CPNE4: variants seen among roughly 807,000 people sequenced by gnomAD.
CPNE4 encodes copine 4.
CPNE4 carries 25 observed loss-of-function variants against 67.9 expected under a neutral mutation model. The observed-to-expected ratio is 0.37, with a 90% CI of 0.27 to 0.51. CPNE4 has a LOEUF of 0.51. Ranked by LOEUF, CPNE4 falls within the 20% of genes least tolerant of loss-of-function variation. CPNE4 has a pLI of 0.93. For missense variants in CPNE4, 464 were observed against 690.8 expected (o/e 0.67, Z 3.68); for synonymous variants, 242 against 244.9 (o/e 0.99, Z 0.11).
intron 2 of CPNE4, among the ~76,000 whole-genome samples, chr3:131,824,721 T>G (rs1166445802): frequency 6.6e-6 from 1 of 152,162 alleles, no homozygotes; most frequent in African/African-American, 2.4e-5. Flanking sequence ...TTGTTTTGTA[T>G]GAATCTGAAC....
chr3:131,721,585 C>T (rs1270834830), intron 3 of CPNE4, among the ~76,000 whole-genome samples: 3 of 151,924 alleles, frequency 2.0e-5, no homozygotes, highest in Non-Finnish European at 4.4e-5. Flanking sequence ...TTAGTAGAGA[C>T]GGGGTTTCAC....
chr3:132,035,066 G>T, upstream of CPNE4: 1 of 985,430 alleles, frequency 1.0e-6, no homozygotes, highest in Non-Finnish European at 1.2e-6. Flanking sequence ...AAACCTCCGC[G>T]CGAGCGCCCC....
intron 2 of CPNE4, among the ~76,000 whole-genome samples, chr3:131,782,761 C>T (rs1365953844): frequency 1.3e-5 from 2 of 152,148 alleles, no homozygotes; most frequent in East Asian, 3.9e-4. Flanking sequence ...TGATTTTATG[C>T]AATGCTAAAC....
intron 2 of CPNE4, among the ~76,000 whole-genome samples, chr3:131,791,019 C>T (rs2083705122): frequency 6.6e-6 from 1 of 152,040 alleles, no homozygotes; most frequent in African/African-American, 2.4e-5. Context: ...ATTTTAAGTA[C>T]AACATTGATC....
intron 3 of CPNE4, among the ~76,000 whole-genome samples, chr3:131,718,927 G>A (rs1156488472): frequency 6.6e-6 from 1 of 152,200 alleles, no homozygotes; most frequent in Admixed American, 6.5e-5. Flanking sequence ...TGTTAAAGGA[G>A]TCATCATGTC....
At chr3:131,954,797 C>T (rs185398805) in intron 1 of CPNE4, among the ~76,000 whole-genome samples, 11 of 152,198 alleles carry the variant, frequency 7.2e-5, no homozygotes, top group African/African-American at 2.6e-4. Context: ...TTTCCAGCTT[C>T]GTCCATGTCC....
chr3:131,609,368 T>A (rs922057941), intron 7 of CPNE4, among the ~76,000 whole-genome samples: 7 of 152,190 alleles, frequency 4.6e-5, no homozygotes, highest in African/African-American at 1.7e-4. Flanking sequence ...GCCATTTGAC[T>A]AGACACCGTC....
chr3:131,989,147 A>G (rs2073120859), intron 1 of CPNE4, among the ~76,000 whole-genome samples: 1 of 152,252 alleles, frequency 6.6e-6, no homozygotes, highest in South Asian at 2.1e-4. Flanking sequence ...CAGGTGCCAC[A>G]CAAAGGGTGG....
intron 1 of CPNE4, among the ~76,000 whole-genome samples, chr3:132,028,006 C>A (rs902877273): frequency 3.3e-5 from 5 of 152,116 alleles, no homozygotes; most frequent in African/African-American, 1.2e-4. Context: ...CATTTCCTTC[C>A]AAATCATTTT....
At chr3:131,785,671 TTCTCTC>T (rs10584037) in intron 2 of CPNE4, among the ~76,000 whole-genome samples, 84,083 of 142,560 alleles carry the variant, frequency 0.59, 24,426 homozygotes, top group Non-Finnish European at 0.65. Flanking sequence ...CTTTCTCTCT[TTCTCTC>T]TCTCTCTCTC....
At chr3:131,998,235 T>C (rs1174744316) in intron 1 of CPNE4, among the ~76,000 whole-genome samples, 2 of 152,116 alleles carry the variant, frequency 1.3e-5, no homozygotes, top group Admixed American at 1.3e-4. Context: ...GCTGCAGGCA[T>C]CCTGGATAAC....
intron 1 of CPNE4, among the ~76,000 whole-genome samples, chr3:131,992,063 A>G (rs1258269491): frequency 3.7e-5 from 5 of 136,444 alleles, no homozygotes; most frequent in African/African-American, 1.2e-4. Context: ...CTCATGGAGA[A>G]CCTCTGCTAC....
upstream of CPNE4, among the ~76,000 whole-genome samples, chr3:132,038,599 G>A (rs528360602): frequency 1.3e-5 from 2 of 152,204 alleles, no homozygotes; most frequent in Non-Finnish European, 2.9e-5. Flanking sequence ...TATTAATGAG[G>A]TCTCTCAGTT....
chr3:131,716,227 G>A (rs975442419), intron 3 of CPNE4, among the ~76,000 whole-genome samples: 1 of 144,606 alleles, frequency 6.9e-6, no homozygotes, highest in African/African-American at 2.6e-5. Flanking sequence ...GACAGAGCGA[G>A]TACTACAGCA....
At chr3:131,641,411 A>C (rs1008344500) in intron 7 of CPNE4, among the ~76,000 whole-genome samples, 4 of 152,196 alleles carry the variant, frequency 2.6e-5, no homozygotes, top group African/African-American at 7.2e-5. Flanking sequence ...ATATGGAAAA[A>C]TGCTCAACAT....
At chr3:131,939,276 C>A (rs1444457854) in intron 1 of CPNE4, among the ~76,000 whole-genome samples, 9 of 151,718 alleles carry the variant, frequency 5.9e-5, no homozygotes, top group African/African-American at 1.9e-4. Flanking sequence ...CTGTCAACAA[C>A]AACAACAAAA....
At chr3:131,916,274 T>G (rs1399919639) in intron 1 of CPNE4, among the ~76,000 whole-genome samples, 1 of 151,972 alleles carries the variant, frequency 6.6e-6, no homozygotes, top group East Asian at 1.9e-4. Flanking sequence ...AAATCATAGT[T>G]TGGATTCTTC....
rs538862157 is a variant in CPNE4 at position 131,959,211 on chromosome 3, A to G, written c.-1-53767T>C. 1.8e-4 allele frequency among the ~76,000 whole-genome samples: 9 copies of G among 50,448 alleles called. 3 individuals carry two copies. In the South Asian group the frequency reaches 2.2e-3, roughly 12 times the overall value. 33.1% of individuals were successfully genotyped at this position (50,448 alleles called of 152,430 possible). A position where few individuals can be genotyped will look rare whatever the true frequency, so the allele number is the denominator to read the frequency against. The stretch of plus-strand genomic sequence containing the variant: ...GAGACGGGGTTTCACCGTTTTAGCC[A>G]GGATGGTCTCGATCTCCTGACCTCG... On this transcript the variant is annotated intron_variant, in intron 1 of 15. Transcript: ENST00000429747.
chr3:131,608,568 T>G (rs2107736792), intron 7 of CPNE4, among the ~76,000 whole-genome samples: 1 of 152,188 alleles, frequency 6.6e-6, no homozygotes, highest in Non-Finnish European at 1.5e-5. Context: ...TTATGCCTGC[T>G]GAAATGGAGC....
Sources: allele counts gnomAD v4.1 joint callset (sites outside exome capture counted in the v4.1 genomes callset), GRCh38; gene constraint gnomAD v4.1.1; transcripts MANE v1.5; gene names NCBI Gene and HGNC (gene_info 2026-07-23, HGNC 2026-07-21).